The following TRIM44 variants were observed in gnomAD, a reference collection of about 807,000 sequenced individuals.
TRIM44 encodes tripartite motif-containing protein 44.
TRIM44 carries 13 observed loss-of-function variants against 37.4 expected under a neutral mutation model. The ratio of observed to expected loss-of-function variants is 0.35; its 90% CI spans 0.23 to 0.55. TRIM44 has a LOEUF of 0.55. Among genes scored for constraint, TRIM44 ranks in the 20% least tolerant of loss-of-function variants. The probability of loss-of-function intolerance (pLI) is 0.89; values close to 1 mark genes in which losing one functional copy is unlikely to be tolerated. For missense variants in TRIM44, 426 were observed against 437.2 expected, an observed-to-expected ratio of 0.97 and a Z score of 0.23; for synonymous variants, 175 against 157.2, an observed-to-expected ratio of 1.11 and a Z score of -0.85.
At chr11:35,689,312 C>T (rs1020933705) in intron 2 of TRIM44, among the ~76,000 whole-genome samples, 6 of 152,242 alleles carry the variant, frequency 3.9e-5, no homozygotes, top group African/African-American at 1.4e-4. Context: ...GGGTACAAGA[C>T]CGAATGAAGT....
intron 4 of TRIM44, among the ~76,000 whole-genome samples, chr11:35,765,880 T>A (rs986202752): frequency 4.6e-5 from 7 of 152,234 alleles, no homozygotes; most frequent in African/African-American, 1.7e-4. Context: ...TGTTTCTTAC[T>A]GTGTTTGTCG....
At chr11:35,737,440 A>T (rs989869812) in intron 4 of TRIM44, among the ~76,000 whole-genome samples, 10 of 152,172 alleles carry the variant, frequency 6.6e-5, no homozygotes, top group Non-Finnish European at 1.3e-4. Context: ...CCAGCTACTC[A>T]GAAGGCTGAG....
chr11:35,774,330 G>A lies in TRIM44; in HGVS notation c.1008-32028G>A, dbSNP rs184227919. Among the ~76,000 whole-genome samples the A allele has an allele frequency of 1.8e-3, 281 of 152,170 alleles. 2 individuals carry two copies. The highest frequency in any genetic ancestry group is 6.5e-3 in the African/African-American group (270 of 41,524). ...TTTTGATGGGGTTGATTTTTTTCTT[G>A]TAAATTTGTTTAACTTCTTTGTAGA... On this transcript the variant is annotated intron_variant, in intron 4 of 4. Coordinates refer to ENST00000299413, the MANE Select transcript of TRIM44 (RefSeq NM_017583.6).
chr11:35,757,860 G>A (rs528984419), intron 4 of TRIM44, among the ~76,000 whole-genome samples: 27 of 152,308 alleles, frequency 1.8e-4, no homozygotes, highest in Middle Eastern at 6.8e-3. Flanking sequence ...TGTGGTCTCA[G>A]AGACAATTTG....
intron 4 of TRIM44, among the ~76,000 whole-genome samples, chr11:35,743,345 C>T (rs1312522489): frequency 2.0e-5 from 3 of 152,106 alleles, no homozygotes; most frequent in Non-Finnish European, 4.4e-5. Context: ...ACAGCATTGC[C>T]CCCTTATAGA....
intron 4 of TRIM44, among the ~76,000 whole-genome samples, chr11:35,770,305 C>T (rs1409746259): frequency 6.6e-6 from 1 of 152,192 alleles, no homozygotes; most frequent in Non-Finnish European, 1.5e-5. Context: ...CAGTGCACTG[C>T]TGATGGGCAC....
intron 4 of TRIM44, among the ~76,000 whole-genome samples, chr11:35,789,724 A>C (rs1329767928): frequency 9.2e-5 from 14 of 152,152 alleles, no homozygotes; most frequent in Non-Finnish European, 1.0e-4. Context: ...GGCCTTACTC[A>C]GTTCTAAGAG....
At position 35,696,051 on chromosome 11, in the gene TRIM44, A is replaced by T. The variant is rs1851693504; in HGVS notation, c.747+10715A>T. ...ATTTGATTTTGGTACCCCATCAAATATGTTAAAGGTTTAAAACACTTGATA... is the reference window on the plus strand; with the variant it reads ...ATTTGATTTTGGTACCCCATCAAATTTGTTAAAGGTTTAAAACACTTGATA... On this transcript the variant is annotated intron_variant, in intron 2 of 4. Coordinates refer to ENST00000299413, the MANE Select transcript of TRIM44 (RefSeq NM_017583.6). Among the ~76,000 whole-genome samples, 5 of 152,102 alleles carry T rather than the reference A, an allele frequency of 3.3e-5. 1 individual carries two copies. In the South Asian group the frequency reaches 1.0e-3, roughly 32 times the overall value.
chr11:35,719,526 C>A (rs548103536), intron 2 of TRIM44, among the ~76,000 whole-genome samples: 81 of 152,162 alleles, frequency 5.3e-4, no homozygotes, highest in Middle Eastern at 3.4e-3. Context: ...TTCTCTTTCA[C>A]AGAGCAGAGG....
intron 4 of TRIM44, among the ~76,000 whole-genome samples, chr11:35,803,256 A>C (rs1157339057): frequency 2.0e-5 from 3 of 149,638 alleles, no homozygotes; most frequent in African/African-American, 7.3e-5. Flanking sequence ...TGTCTGCCTA[A>C]CACCCTTAGT....
intron 4 of TRIM44, among the ~76,000 whole-genome samples, chr11:35,765,812 A>G (rs1428928512): frequency 6.6e-6 from 1 of 152,122 alleles, no homozygotes; most frequent in Non-Finnish European, 1.5e-5. Flanking sequence ...AACAAAATTT[A>G]GTTTCTTTTT....
intron 2 of TRIM44, among the ~76,000 whole-genome samples, chr11:35,696,436 G>A (rs1038252314): frequency 6.6e-6 from 1 of 151,442 alleles, no homozygotes; most frequent in Non-Finnish European, 1.5e-5. Flanking sequence ...GCCGCCGCAA[G>A]CAGCCGTCAA....
Position 35,806,721 on chromosome 11 carries a change from T to A in TRIM44, c.*336T>A. The A allele has an allele frequency of 3.9e-6, 1 of 256,532 alleles. No individual in the cohort carries two copies. The highest frequency in any genetic ancestry group is 9.2e-5 in the South Asian group (1 of 10,884). 15.9% of individuals were successfully genotyped at this position (256,532 alleles called of 1,614,324 possible). Reference sequence around the variant, plus strand: ...CATAATATTGTATTACCAAACAGTATCGCTTTGTTAGGAAGGATCTGGAAT... The same window carrying A: ...CATAATATTGTATTACCAAACAGTAACGCTTTGTTAGGAAGGATCTGGAAT... On this transcript the variant is annotated 3_prime_UTR_variant, in exon 5 of 5. Coordinates refer to ENST00000299413, the MANE Select transcript of TRIM44 (RefSeq NM_017583.6).
At chr11:35,752,956 G>A (rs1852577185) in intron 4 of TRIM44, among the ~76,000 whole-genome samples, 1 of 152,178 alleles carries the variant, frequency 6.6e-6, no homozygotes, top group Admixed American at 6.5e-5. Context: ...AATGTAATAA[G>A]GGTAAAAATT....
At chr11:35,707,240 A>AC (rs1344024004) in intron 2 of TRIM44, among the ~76,000 whole-genome samples, 6 of 152,192 alleles carry the variant, frequency 3.9e-5, no homozygotes, top group African/African-American at 1.4e-4. Context: ...AGAACTACAA[A>AC]CCACTGCTCA....
intron 1 of TRIM44, among the ~76,000 whole-genome samples, chr11:35,673,246 C>A (rs1851420117): frequency 6.6e-6 from 1 of 152,170 alleles, no homozygotes; most frequent in Non-Finnish European, 1.5e-5. Context: ...TAGAAGGCAT[C>A]TCTGAGCATA....
intron 4 of TRIM44, among the ~76,000 whole-genome samples, chr11:35,772,848 G>C (rs1293233776): frequency 6.6e-6 from 1 of 152,130 alleles, no homozygotes; most frequent in Admixed American, 6.5e-5. Flanking sequence ...TTAAGACTTT[G>C]GGGGACTGTT....
At chr11:35,802,710 G>T (rs1433009012) in intron 4 of TRIM44, among the ~76,000 whole-genome samples, 2 of 152,118 alleles carry the variant, frequency 1.3e-5, no homozygotes, top group Non-Finnish European at 2.9e-5. Flanking sequence ...CTCCGTATTT[G>T]TTCTCCCCAG....
At chr11:35,760,257 T>TGGGCGTGA (rs1852704737) in intron 4 of TRIM44, among the ~76,000 whole-genome samples, 14 of 152,188 alleles carry the variant, frequency 9.2e-5, no homozygotes, top group Admixed American at 4.6e-4. Flanking sequence ...GTGCTAGCAA[T>TGGGCGTGA]CAGCGAGGCT....
Sources: gnomAD v4.1 joint callset for allele counts (sites outside exome capture counted in the v4.1 genomes callset) on GRCh38, gnomAD v4.1.1 for gene constraint, MANE v1.5 for transcripts, NCBI Gene and HGNC (gene_info 2026-07-23, HGNC 2026-07-21) for gene names.